The following APP variants were observed in gnomAD, a reference collection of about 807,000 sequenced individuals.
APP encodes amyloid beta precursor protein.
In APP, 31 loss-of-function variants were observed where a neutral mutation model predicts 101.4. The observed-to-expected ratio is 0.31, with a 90% CI of 0.23 to 0.41. The LOEUF is 0.41. Ranked by LOEUF, APP falls within the 10% of genes least tolerant of loss-of-function variation. The pLI is 1.00. For synonymous variants in APP, 366 were observed against 364.4 expected, an observed-to-expected ratio of 1.00 and a Z score of -0.05; for missense variants, 839 against 1,003.7, an observed-to-expected ratio of 0.84 and a Z score of 2.22.
chr21:25,899,782 G>A (rs762437927), intron 15 of APP, among the ~76,000 whole-genome samples: 14 of 152,114 alleles, frequency 9.2e-5, no homozygotes, highest in Non-Finnish European at 1.3e-4. Flanking sequence ...CTAAATTCTC[G>A]CGTTATTTGC....
At chr21:26,129,160 G>C (rs2062741917) in intron 1 of APP, among the ~76,000 whole-genome samples, 1 of 152,106 alleles carries the variant, frequency 6.6e-6, no homozygotes, top group Non-Finnish European at 1.5e-5. Context: ...AATTTTATAA[G>C]GTCCCAATGC....
At chr21:26,065,097 A>G (rs904185205) in intron 3 of APP, among the ~76,000 whole-genome samples, 4 of 151,956 alleles carry the variant, frequency 2.6e-5, no homozygotes, top group African/African-American at 9.7e-5. Context: ...CAAATGATCC[A>G]CCTGCCTCGG....
At chr21:26,046,221 C>A (rs2045603089) in intron 5 of APP, among the ~76,000 whole-genome samples, 1 of 151,796 alleles carries the variant, frequency 6.6e-6, no homozygotes, top group South Asian at 2.1e-4. Context: ...ACTAACCTGG[C>A]CAACATGGTG....
rs114566131 is a variant in APP at position 26,004,069 on chromosome 21, T to C, written c.866-3887A>G. 7.8e-4 allele frequency among the ~76,000 whole-genome samples: 118 copies of C among 152,118 alleles called. 1 individual carries two copies. Among genetic ancestry groups the C allele is most frequent in the African/African-American group, 2.7e-3 (113 of 41,508 alleles). The stretch of plus-strand genomic sequence containing the variant: ...CTCTGGGAGAAGCTGGGACTGAGGG[T>C]AGGGTCAGCACCAGCGATGTATGAT... On this transcript the variant is annotated intron_variant, in intron 6 of 17. Transcript: ENST00000346798.
intron 11 of APP, among the ~76,000 whole-genome samples, chr21:25,973,209 AATAGCAAACAAATATCAAGATGACAG>A (rs1172017804): frequency 1.3e-5 from 2 of 152,186 alleles, no homozygotes; most frequent in Admixed American, 6.5e-5. Context: ...AGACTGGACA[AATAGCAAACAAATATCAAGATGACAG>A]ATTCAGTGAC....
intron 1 of APP, among the ~76,000 whole-genome samples, chr21:26,123,263 G>C (rs1034856073): frequency 6.6e-6 from 1 of 152,114 alleles, no homozygotes; most frequent in Non-Finnish European, 1.5e-5. Context: ...CTCTCATACT[G>C]TTGTGGTTTT....
chr21:25,885,315 G>C (rs1472140537), intron 17 of APP, among the ~76,000 whole-genome samples: 1 of 152,254 alleles, frequency 6.6e-6, no homozygotes, highest in Non-Finnish European at 1.5e-5. Context: ...GCAGTGGCAT[G>C]GGCCACCATG....
At chr21:26,000,451 C>T (rs2043245527) in intron 6 of APP, among the ~76,000 whole-genome samples, 1 of 152,168 alleles carries the variant, frequency 6.6e-6, no homozygotes, top group Non-Finnish European at 1.5e-5. Flanking sequence ...GATCATTTGG[C>T]TGCTTTTAGA....
intron 13 of APP, among the ~76,000 whole-genome samples, chr21:25,918,748 T>A (rs902619991): frequency 2.7e-5 from 4 of 150,822 alleles, no homozygotes; most frequent in Non-Finnish European, 5.9e-5. Flanking sequence ...GGAATCGCGC[T>A]GATTGCTAGC....
chr21:25,931,070 T>C (rs746907026), intron 13 of APP, among the ~76,000 whole-genome samples: 1 of 152,244 alleles, frequency 6.6e-6, no homozygotes, highest in Non-Finnish European at 1.5e-5. Context: ...GCCTTCCTTT[T>C]TCCAGGGGAG....
intron 5 of APP, among the ~76,000 whole-genome samples, chr21:26,028,285 A>G (rs1176981486): frequency 6.6e-6 from 1 of 152,160 alleles, no homozygotes; most frequent in Non-Finnish European, 1.5e-5. Flanking sequence ...TCATTCTTAC[A>G]CATTTAATGA....
At position 25,975,184 on chromosome 21, in the gene APP, G is replaced by A. The variant is rs776204745; in HGVS notation, c.1344C>T (p.Asn448=). The A allele has an allele frequency of 9.9e-6, 16 of 1,614,006 alleles. No homozygotes were observed. The highest frequency in any genetic ancestry group is 5.3e-5 in the African/African-American group (4 of 74,886). The stretch of plus-strand genomic sequence containing the variant: ...GTGTCTCCACCAGCTGCTGTCTCTC[G>A]TTGGCTGCTTCCTGTTCCAAAGATT... The part of the protein sequence containing the change: ...KVESLEQEAA[N]ERQQLVETHM... Residue 448 remains asparagine, a synonymous_variant, in exon 11 of 18, where the codon AAC becomes AAT. Transcript: ENST00000346798.
rs367763684 is a variant in APP, at chr21:25,997,353, A to G, written c.1090+7T>C. On this transcript the variant is annotated splice_region_variant and intron_variant, in intron 8 of 17. Transcript: ENST00000346798. The stretch of plus-strand genomic sequence containing the variant: ...TCTTCCCTTCCCTCAGGTGAATGAC[A>G]ACGTACGTTTAACAGGATCTCGGGC... 1 of 1,612,490 alleles carries G rather than the reference A, an allele frequency of 6.2e-7. No individual in the cohort carries two copies. Among genetic ancestry groups the G allele is most frequent in the Non-Finnish European group, 8.5e-7 (1 of 1,178,608 alleles).
At chr21:26,083,935 AT>A (rs2061647818) in intron 3 of APP, among the ~76,000 whole-genome samples, 3 of 152,188 alleles carry the variant, frequency 2.0e-5, no homozygotes, top group Admixed American at 6.5e-5. Context: ...TAGAGCTCTT[AT>A]CAATCAAAAC....
chr21:26,157,646 T>C (rs989151316), intron 1 of APP, among the ~76,000 whole-genome samples: 1 of 152,238 alleles, frequency 6.6e-6, no homozygotes, highest in Non-Finnish European at 1.5e-5. Context: ...TTTCAAAGCA[T>C]ACTTTCTGTG....
intron 1 of APP, among the ~76,000 whole-genome samples, chr21:26,124,177 T>C (rs1428014968): frequency 6.6e-6 from 1 of 152,172 alleles, no homozygotes; most frequent in Non-Finnish European, 1.5e-5. Flanking sequence ...GAAAATGTAA[T>C]TATTGACAAA....
chr21:26,120,648 GCTT>G (rs2062544680), intron 1 of APP, among the ~76,000 whole-genome samples: 1 of 152,078 alleles, frequency 6.6e-6, no homozygotes, highest in Non-Finnish European at 1.5e-5. Flanking sequence ...GATTTTGTGA[GCTT>G]CTTTTCTCCT....
intron 6 of APP, among the ~76,000 whole-genome samples, chr21:26,015,393 TA>T (rs1289881992): frequency 4.6e-5 from 7 of 152,180 alleles, no homozygotes; most frequent in African/African-American, 1.7e-4. Context: ...GGATAGGTCT[TA>T]TTAATCCCTA....
At chr21:26,140,289 C>A in intron 1 of APP, 1 of 1,534,804 alleles carries the variant, frequency 6.5e-7, no homozygotes, top group Non-Finnish European at 8.7e-7. Context: ...CTGCAGTGAC[C>A]ACAACTTGAC....
Sources: allele counts gnomAD v4.1 joint callset (sites outside exome capture counted in the v4.1 genomes callset), GRCh38; gene constraint gnomAD v4.1.1; transcripts MANE v1.5; gene names NCBI Gene and HGNC (gene_info 2026-07-23, HGNC 2026-07-21).